EPM2A: variants seen among roughly 807,000 people sequenced by gnomAD.
The protein encoded by EPM2A is laforin.
A neutral mutation model predicts 26.5 loss-of-function variants in EPM2A; 21 were observed. The ratio of observed to expected loss-of-function variants is 0.79; its 90% CI spans 0.56 to 1.14. The LOEUF (loss-of-function observed/expected upper bound fraction) is 1.14, where lower values mean the gene tolerates loss of function less well. Ranked by LOEUF, EPM2A falls within the 50% of genes most tolerant of loss-of-function variation. The pLI is 0.00. For synonymous variants in EPM2A, 217 were observed against 177.6 expected (o/e 1.22, Z -1.76); for missense variants, 458 against 440.8 (o/e 1.04, Z -0.35).
chr6:145,439,248 T>C (rs1582756013), intron 4 of EPM2A, among the ~76,000 whole-genome samples: 3 of 152,356 alleles, frequency 2.0e-5, no homozygotes, highest in African/African-American at 7.2e-5. Context: ...GTCTTTGATA[T>C]TTTGAATAAT....
chr6:145,682,170 C>T (rs189875417), intron 2 of EPM2A, among the ~76,000 whole-genome samples: 222 of 152,214 alleles, frequency 1.5e-3, no homozygotes, highest in Non-Finnish European at 2.8e-3. Context: ...GAGCAAGTCA[C>T]GTCTTACATG....
chr6:145,517,642 A>T (rs931463056), intron 2 of EPM2A, among the ~76,000 whole-genome samples: 16 of 152,196 alleles, frequency 1.1e-4, no homozygotes, highest in African/African-American at 3.6e-4. Flanking sequence ...TACCTAATTT[A>T]TATGATTGGT....
intron 4 of EPM2A, among the ~76,000 whole-genome samples, chr6:145,385,610 T>G (rs1382778520): frequency 1.3e-5 from 2 of 152,092 alleles, no homozygotes; most frequent in Admixed American, 1.3e-4. Flanking sequence ...TTTTATATTT[T>G]TAAACTTTTT....
At chr6:145,544,869 T>C (rs1324914124) in intron 2 of EPM2A, among the ~76,000 whole-genome samples, 1 of 152,182 alleles carries the variant, frequency 6.6e-6, no homozygotes, top group Admixed American at 6.5e-5. Flanking sequence ...ACTAACTTTT[T>C]TCACCAAAAT....
At chr6:145,611,784 G>A (rs547642605) in intron 2 of EPM2A, among the ~76,000 whole-genome samples, 1 of 151,962 alleles carries the variant, frequency 6.6e-6, no homozygotes, top group African/African-American at 2.4e-5. Flanking sequence ...AGAACTGGTG[G>A]TCACATCTGG....
intron 1 of EPM2A, 36 bp downstream of exon 1, chr6:145,735,162 C>T (rs747296542): frequency 2.8e-6 from 4 of 1,443,974 alleles, no homozygotes; most frequent in African/African-American, 3.0e-5. Flanking sequence ...CCGGAGCTCC[C>T]GCTCTGCGCC....
At chr6:145,661,109 A>G (rs990715707) in intron 2 of EPM2A, among the ~76,000 whole-genome samples, 27 of 152,110 alleles carry the variant, frequency 1.8e-4, no homozygotes, top group African/African-American at 5.6e-4. Context: ...AAAGAAGTAG[A>G]CTGGAAATCA....
intron 2 of EPM2A, among the ~76,000 whole-genome samples, chr6:145,609,182 G>A (rs995342956): frequency 6.6e-6 from 1 of 152,074 alleles, no homozygotes; most frequent in East Asian, 1.9e-4. Flanking sequence ...TAATTTGATC[G>A]GACTCTATGC....
chr6:145,603,803 C>T (rs915152569), intron 2 of EPM2A, among the ~76,000 whole-genome samples: 1 of 152,124 alleles, frequency 6.6e-6, no homozygotes, highest in African/African-American at 2.4e-5. Flanking sequence ...TGATCTATGC[C>T]ATTAACTGGA....
chr6:145,450,386 T>C lies in EPM2A; in HGVS notation c.555+52136A>G, dbSNP rs543812803. ...AAAAAAAAAAAAGAAACTGAAACCA[T>C]TGGTGGGGGTATAAATTGGCACAAC... On this transcript the variant is annotated intron_variant, in intron 4 of 4. Coordinates refer to the EPM2A transcript ENST00000638717. Among the ~76,000 whole-genome samples the C allele has an allele frequency of 4.7e-5, 7 of 148,216 alleles. No homozygotes were observed. The South Asian group carries it at 1.5e-3, about 32-fold the overall frequency.
intron 2 of EPM2A, among the ~76,000 whole-genome samples, chr6:145,531,258 GACTCAAAGCCTTTGTCATTT>G (rs1328475225): frequency 1.3e-5 from 2 of 152,228 alleles, no homozygotes; most frequent in East Asian, 3.9e-4. Context: ...TAATGGTGTT[GACTCAAAGCCTTTGTCATTT>G]AATGTGTGCA....
In EPM2A at chr6:145,566,183, G is replaced by A. The variant is rs138752542; in HGVS notation, c.341-63608C>T. Among the ~76,000 whole-genome samples the A allele has an allele frequency of 3.0e-4, 45 of 152,222 alleles. No individual in the cohort carries two copies. The East Asian group carries it at 3.9e-3, about 13-fold the overall frequency. The stretch of plus-strand genomic sequence containing the variant: ...ATTGGGAGGCTCAAGTGTTAGTCTC[G>A]GATCTGTCATTAATTCTGTGACATT... On this transcript the variant is annotated intron_variant, in intron 2 of 3. Coordinates refer to the EPM2A transcript ENST00000450221.
chr6:145,574,721 G>A (rs1781006458), intron 2 of EPM2A, among the ~76,000 whole-genome samples: 1 of 152,074 alleles, frequency 6.6e-6, no homozygotes, highest in African/African-American at 2.4e-5. Context: ...CTCACAGTGG[G>A]CATCTTTTAG....
chr6:145,433,346 T>C (rs116886924), intron 4 of EPM2A, among the ~76,000 whole-genome samples: 7 of 152,320 alleles, frequency 4.6e-5, no homozygotes, highest in East Asian at 1.9e-4. Flanking sequence ...GCTTAGTCTA[T>C]TTATATATAA....
intron 4 of EPM2A, among the ~76,000 whole-genome samples, chr6:145,431,387 C>T (rs1470972225): frequency 1.3e-5 from 2 of 152,126 alleles, no homozygotes; most frequent in African/African-American, 2.4e-5. Context: ...AAGAAAGCAG[C>T]TTACACAGTA....
intron 2 of EPM2A, among the ~76,000 whole-genome samples, chr6:145,574,215 A>G (rs984211040): frequency 6.6e-6 from 1 of 152,096 alleles, no homozygotes; most frequent in African/African-American, 2.4e-5. Flanking sequence ...CACTCGACCT[A>G]TAAGTTTTCT....
At chr6:145,674,369 G>A (rs1449307380) in intron 2 of EPM2A, among the ~76,000 whole-genome samples, 1 of 152,102 alleles carries the variant, frequency 6.6e-6, no homozygotes, top group Non-Finnish European at 1.5e-5. Flanking sequence ...AAAAACCAGA[G>A]CACCTCTGCT....
At chr6:145,647,243 C>G (rs17075280) in intron 2 of EPM2A, among the ~76,000 whole-genome samples, 4,811 of 152,214 alleles carry the variant, frequency 0.032, 272 homozygotes, top group African/African-American at 0.11. Context: ...TGTCACTAAT[C>G]CCATGTCCCC....
chr6:145,631,317 G>A (rs945325930), intron 3 of EPM2A: 2 of 152,094 alleles, frequency 1.3e-5, no homozygotes, highest in African/African-American at 4.8e-5. Flanking sequence ...AATTTAATTT[G>A]ATAAGACATT....
Sources: allele counts gnomAD v4.1 joint callset (sites outside exome capture counted in the v4.1 genomes callset), GRCh38; gene constraint gnomAD v4.1.1; transcripts MANE v1.5; gene names NCBI Gene and HGNC (gene_info 2026-07-23, HGNC 2026-07-21).